PODN: variants seen among roughly 807,000 people sequenced by gnomAD.
The protein encoded by PODN is podocan, also known as podocan proteoglycan.
PODN carries 40 observed loss-of-function variants against 52.7 expected under a neutral mutation model. The ratio of observed to expected loss-of-function variants is 0.76; its 90% CI spans 0.59 to 0.99. PODN has a LOEUF of 0.99. Ranked by LOEUF, PODN falls within the 50% of genes least tolerant of loss-of-function variation. The pLI is 0.00. For synonymous variants in PODN, 396 were observed against 377.9 expected (o/e 1.05, Z -0.56); for missense variants, 720 against 815.1 (o/e 0.88, Z 1.42).
At chr1:53,076,948 G>A (rs1077466) in intron 5 of PODN, among the ~76,000 whole-genome samples, 9,594 of 152,216 alleles carry the variant, frequency 0.063, 581 homozygotes, top group East Asian at 0.24. Flanking sequence ...AGGGGCCTCT[G>A]CCAGGGGTCA....
At chr1:53,066,935 G>A in intron 1 of PODN, 1 of 1,470,730 alleles carries the variant, frequency 6.8e-7, no homozygotes, top group South Asian at 1.2e-5. Context: ...CTTCTGCCCT[G>A]ATTGAATTTG....
intron 3 of PODN, among the ~76,000 whole-genome samples, chr1:53,073,936 G>A (rs886710630): frequency 3.9e-5 from 6 of 152,232 alleles, no homozygotes; most frequent in African/African-American, 7.2e-5. Context: ...TCTCTTAGCC[G>A]TCGGCTCAGC....
chr1:53,072,819 G>A (rs1001017773), intron 3 of PODN: 1 of 152,290 alleles, frequency 6.6e-6, no homozygotes, highest in African/African-American at 2.4e-5. Context: ...CCAGCACTTT[G>A]GGAGGCCAAG....
chr1:53,074,693 G>A (rs1295642782), intron 4 of PODN, 23 bp downstream of exon 4: 2 of 1,611,876 alleles, frequency 1.2e-6, no homozygotes, highest in East Asian at 2.2e-5. Flanking sequence ...AGGCAGGGTG[G>A]GGGGTTGCTG....
intron 7 of PODN, 93 bp from the exon 8 acceptor site, chr1:53,078,272 T>C: frequency 1.5e-6 from 2 of 1,317,554 alleles, no homozygotes; most frequent in Non-Finnish European, 2.1e-6. Context: ...GAGGAGCTAG[T>C]GGCAATTCCC....
chr1:53,078,973 G>A lies in PODN; in HGVS notation c.1463G>A (p.Arg488His), dbSNP rs781627209. 1.3e-5 allele frequency: 20 copies of A among 1,575,514 alleles called. No individual in the cohort carries two copies. The highest frequency in any genetic ancestry group is 2.1e-4 in the Middle Eastern group (1 of 4,786). ...CTGTACCTCACCAGCAACCGACTGC[G>A]CAGCCGAGCCCTGGGCCCCCGTGCC... ...RELYLTSNRL[R>H]SRALGPRAWV... The change falls in exon 8 of 11, where the codon CGC (arginine) becomes CAC (histidine). Residue 488 changes from arginine (R) to histidine (H), a missense_variant. Arg to His is a conservative substitution (Grantham distance 29). Transcript: ENST00000312553.
chr1:53,076,288 C>T (rs1644193487), intron 5 of PODN, among the ~76,000 whole-genome samples: 1 of 152,224 alleles, frequency 6.6e-6, no homozygotes, highest in Non-Finnish European at 1.5e-5. Flanking sequence ...CGCCCCCCAG[C>T]ATAGGTGTGC....
At chr1:53,068,963 T>A (rs957443441) in intron 1 of PODN, among the ~76,000 whole-genome samples, 36 of 152,248 alleles carry the variant, frequency 2.4e-4, no homozygotes, top group African/African-American at 8.2e-4. Context: ...GCTGAGGGGA[T>A]ACACATCAGG....
chr1:53,071,483 G>A (rs1644115657), intron 2 of PODN, 52 bp from the exon 3 acceptor site: 2 of 1,473,604 alleles, frequency 1.4e-6, no homozygotes, highest in Non-Finnish European at 1.9e-6. Context: ...TGGAGTCCAG[G>A]GCACACCCCA....
In PODN at chr1:53,080,874, C is replaced by G. The variant is rs1644286022; in HGVS notation, c.1659C>G (p.Leu553=). 6.2e-7 allele frequency: 1 copy of G among 1,613,888 alleles called. No individual in the cohort carries two copies. The change falls in exon 9 of 11, where the codon CTC becomes CTG. Residue 553 remains leucine, a splice_region_variant and synonymous_variant. Transcript: ENST00000312553. ...DSTPNLKGIF[L]RFNKLAVGSV... is the part of the protein sequence containing the mutation. ...CGCCCAACCTCAAGGGGATCTTTCT[C>G]AGGTAGGAGCCCACTCGCGGCCCTG...
At chr1:53,063,359 C>G in intron 1 of PODN, 1 of 985,870 alleles carries the variant, frequency 1.0e-6, no homozygotes, top group South Asian at 4.7e-5. Flanking sequence ...CTTCGATTAC[C>G]GGCTGGCCAG....
At chr1:53,066,879 G>A in intron 1 of PODN, 1 of 1,547,586 alleles carries the variant, frequency 6.5e-7, no homozygotes, top group South Asian at 1.2e-5. Flanking sequence ...TATGTGCACA[G>A]GATATGTGAG....
chr1:53,071,757 C>A, intron 3 of PODN, 129 bp downstream of exon 3: 2 of 899,808 alleles, frequency 2.2e-6, no homozygotes, highest in Non-Finnish European at 3.4e-6. Flanking sequence ...AGAGCAGGCC[C>A]GGGCCAGGCT....
intron 5 of PODN, among the ~76,000 whole-genome samples, chr1:53,076,637 A>AGGG: frequency 6.6e-6 from 1 of 151,866 alleles, no homozygotes; most frequent in Non-Finnish European, 1.5e-5. Context: ...GGCATCTCAT[A>AGGG]TATATATTTA....
At chr1:53,073,323 T>G (rs56364230) in intron 3 of PODN, 5,502 of 159,826 alleles carry the variant, frequency 0.034, 309 homozygotes, top group African/African-American at 0.13. Flanking sequence ...CTCTTTAGCT[T>G]TCTGAAGAAG....
intron 8 of PODN, 84 bp downstream of exon 8, chr1:53,079,106 A>G (rs1047008109): frequency 1.6e-5 from 22 of 1,412,752 alleles, no homozygotes; most frequent in African/African-American, 1.3e-4. Context: ...CTGAAGGGTG[A>G]GGAGAAGGGC....
rs763683132 is a variant in PODN at position 53,071,625 on chromosome 1, C to T, written c.403C>T (p.Arg135Ter). ...LNLQNNRLTS[R>*]GLPEKAFEHL... ...CCTGCAAAACAACCGCCTGACTTCCCGAGGTGAGGGGCCACCCAGAGCCCA... is the reference window on the plus strand; with the variant it reads ...CCTGCAAAACAACCGCCTGACTTCCTGAGGTGAGGGGCCACCCAGAGCCCA... Residue 135 changes from arginine (R) to a stop codon, truncating the protein, a stop_gained, in exon 3 of 11, where the codon CGA becomes TGA. Transcript: ENST00000312553. LOFTEE classifies it high-confidence loss of function. 10 of 1,613,144 alleles carry T rather than the reference C, an allele frequency of 6.2e-6. No individual in the cohort carries two copies. Among genetic ancestry groups the T allele is most frequent in the African/African-American group, 1.3e-5 (1 of 75,038 alleles).
chr1:53,071,336 A>G (rs1039740717), intron 2 of PODN, 199 bp from the exon 3 acceptor site: 1 of 570,392 alleles, frequency 1.8e-6, no homozygotes, highest in African/African-American at 1.9e-5. Context: ...TCCTGTTGTG[A>G]TCACTGCTGT....
rs779157772 is a variant in PODN at position 53,078,369 on chromosome 1, C to T, written c.859C>T (p.Leu287Phe). ...CTAATTCCCTCCCTGCCCCAGGAAG[C>T]TCTCCAGCCTGGAGTACCTGGATCT... is the stretch of plus-strand genomic sequence containing the variant. ...EGLDNETFWK[L>F]SSLEYLDLSS... Residue 287 changes from leucine (L) to phenylalanine (F), a missense_variant, in exon 8 of 11, where the codon CTC becomes TTC. Physicochemically the swap from Leu to Phe is conservative, Grantham distance 22 (BLOSUM62 0). Coordinates refer to ENST00000312553, the MANE Select transcript of PODN (RefSeq NM_153703.5). 1 of 1,606,988 alleles carries T rather than the reference C, an allele frequency of 6.2e-7. No homozygotes were observed. Among genetic ancestry groups the T allele is most frequent in the Non-Finnish European group, 8.5e-7 (1 of 1,174,594 alleles).
Sources: gnomAD v4.1 joint callset for allele counts (sites outside exome capture counted in the v4.1 genomes callset) on GRCh38, gnomAD v4.1.1 for gene constraint, MANE v1.5 for transcripts, NCBI Gene and HGNC (gene_info 2026-07-23, HGNC 2026-07-21) for gene names.